Variants in ZNF609 observed in about 807,000 individuals in gnomAD.
ZNF609 encodes the protein zinc finger protein 609.
A neutral mutation model predicts 109.5 loss-of-function variants in ZNF609; 11 were observed. That is an observed-to-expected ratio of 0.10 (90% CI 0.06 to 0.17). ZNF609 has a LOEUF of 0.17. Among genes scored for constraint, ZNF609 ranks in the 10% least tolerant of loss-of-function variants. The pLI is 1.00. For synonymous variants in ZNF609, 646 were observed against 662.0 expected, an observed-to-expected ratio of 0.98 and a Z score of 0.37; for missense variants, 1,559 against 1,772.4, an observed-to-expected ratio of 0.88 and a Z score of 2.16.
intron 1 of ZNF609, among the ~76,000 whole-genome samples, chr15:64,463,741 A>G (rs1281011545): frequency 1.3e-5 from 2 of 152,190 alleles, no homozygotes; most frequent in Admixed American, 6.5e-5. Context: ...ATATTTTTTG[A>G]TAACAGAACT....
chr15:64,677,608 G>A (rs759428877), intron 5 of ZNF609, among the ~76,000 whole-genome samples: 1 of 152,128 alleles, frequency 6.6e-6, no homozygotes, highest in Non-Finnish European at 1.5e-5. Flanking sequence ...GGATTTTATA[G>A]GTTGAGTTAG....
chr15:64,605,244 A>G (rs551800814), intron 2 of ZNF609, among the ~76,000 whole-genome samples: 4 of 152,250 alleles, frequency 2.6e-5, no homozygotes, highest in Non-Finnish European at 5.9e-5. Flanking sequence ...AGAAAGAAAC[A>G]GTATAACCTG....
At chr15:64,539,606 C>T (rs1381904253) in intron 2 of ZNF609, among the ~76,000 whole-genome samples, 4 of 152,174 alleles carry the variant, frequency 2.6e-5, no homozygotes, top group African/African-American at 9.6e-5. Flanking sequence ...CCGGTTCAAG[C>T]GATTCTCCTG....
chr15:64,581,957 A>G (rs1345021316), intron 2 of ZNF609, among the ~76,000 whole-genome samples: 5 of 152,126 alleles, frequency 3.3e-5, no homozygotes, highest in Non-Finnish European at 7.4e-5. Context: ...TTCCTGGCTC[A>G]GAGTCACCCT....
intron 2 of ZNF609, among the ~76,000 whole-genome samples, chr15:64,596,523 C>A (rs1895401727): frequency 6.6e-6 from 1 of 152,154 alleles, no homozygotes; most frequent in African/African-American, 2.4e-5. Flanking sequence ...TCCCTTGGCT[C>A]TTCACATGGA....
intron 1 of ZNF609, among the ~76,000 whole-genome samples, chr15:64,468,126 C>T (rs1893039900): frequency 6.6e-6 from 1 of 151,808 alleles, no homozygotes; most frequent in African/African-American, 2.4e-5. Flanking sequence ...AAGCAATTCT[C>T]CTACCTCAGC....
rs1174756552 is a variant in ZNF609 at position 64,506,724 on chromosome 15, A to AG, written c.747+6558_747+6559insG. 1.0e-3 allele frequency among the ~76,000 whole-genome samples: 5 copies of AG among 4,902 alleles called. No homozygotes were observed. The East Asian group carries it at 0.2, about 196-fold the overall frequency. The allele number at this position is 4,902 out of a possible 152,430, so 3.2% of individuals were successfully genotyped here. ...AACAAGAGCAAAACTCTGTCTCAAG[A>AG]AAAAAAAAAAAGTTTGTCTTTAGAT... On this transcript the variant is annotated intron_variant, in intron 2 of 9. Transcript: ENST00000326648.
At chr15:64,559,748 G>A (rs1894647393) in intron 2 of ZNF609, among the ~76,000 whole-genome samples, 1 of 152,190 alleles carries the variant, frequency 6.6e-6, no homozygotes, top group African/African-American at 2.4e-5. Flanking sequence ...CGCTCAATAA[G>A]TATTTATTGA....
chr15:64,523,563 C>T (rs1366742814), intron 2 of ZNF609, among the ~76,000 whole-genome samples: 2 of 151,946 alleles, frequency 1.3e-5, no homozygotes, highest in African/African-American at 2.4e-5. Context: ...ATCAGGAGTT[C>T]GACACCAGCC....
At chr15:64,526,024 G>A (rs146215417) in intron 2 of ZNF609, among the ~76,000 whole-genome samples, 4 of 151,512 alleles carry the variant, frequency 2.6e-5, no homozygotes, top group Admixed American at 6.6e-5. Context: ...TCCTGGCCTC[G>A]AGTGATCTGC....
Position 64,499,299 on chromosome 15 carries a change from T to A in ZNF609, c.-121T>A, listed in dbSNP as rs1387450338. On this transcript the variant is annotated 5_prime_UTR_variant, in exon 2 of 10. The change abolishes an upstream ATG in the 5' untranslated region. Transcript: ENST00000326648. Reference sequence around the variant, plus strand: ...TTAAATTTTCTTTTTCCAGCAATGATGTTGTCCACTGGGCATGTACTGACC... The same window carrying A: ...TTAAATTTTCTTTTTCCAGCAATGAAGTTGTCCACTGGGCATGTACTGACC... 29 of 1,301,888 alleles carry A rather than the reference T, an allele frequency of 2.2e-5. No homozygotes were observed. The highest frequency in any genetic ancestry group is 2.8e-5 in the Non-Finnish European group (27 of 949,764). The allele number at this position is 1,301,888 out of a possible 1,614,324, so 80.6% of individuals were successfully genotyped here. A position where few individuals can be genotyped will look rare whatever the true frequency, so the allele number is the denominator to read the frequency against.
chr15:64,519,547 G>A (rs567584222), intron 2 of ZNF609, among the ~76,000 whole-genome samples: 2 of 152,262 alleles, frequency 1.3e-5, no homozygotes, highest in Admixed American at 1.3e-4. Context: ...TATAGAACTT[G>A]CTTGGTTCTG....
chr15:64,673,100 T>C lies in ZNF609; in HGVS notation c.1062-816T>C, dbSNP rs150749242. ...TTGGGCATGCAAGAATCCAGAGAGATAGGAGCTGAGTGAGTAGGTTGATAA... is the reference window on the plus strand; with the variant it reads ...TTGGGCATGCAAGAATCCAGAGAGACAGGAGCTGAGTGAGTAGGTTGATAA... On this transcript the variant is annotated intron_variant, in intron 4 of 9. Coordinates refer to ENST00000326648, the MANE Select transcript of ZNF609 (RefSeq NM_015042.2). Among the ~76,000 whole-genome samples, 8 of 152,284 alleles carry C rather than the reference T, an allele frequency of 5.3e-5. No individual in the cohort carries two copies. The East Asian group carries it at 1.2e-3, about 22-fold the overall frequency.
chr15:64,676,218 C>G lies in ZNF609; in HGVS notation c.3364C>G (p.Arg1122Gly). The G allele has an allele frequency of 6.2e-7, 1 of 1,613,182 alleles. No individual in the cohort carries two copies. Among genetic ancestry groups the G allele is most frequent in the Non-Finnish European group, 8.5e-7 (1 of 1,179,686 alleles). Reference protein sequence around the residue: ...SEAKTGAECGRQAEMDPILWY... With the variant: ...SEAKTGAECGGQAEMDPILWY... ...GGCCAAGACAGGTGCTGAGTGTGGTCGACAGGCAGAGATGGATCCAATACT... is the reference window on the plus strand; with the variant it reads ...GGCCAAGACAGGTGCTGAGTGTGGTGGACAGGCAGAGATGGATCCAATACT... Residue 1122 changes from arginine (R) to glycine (G), a missense_variant, in exon 5 of 10, where the codon CGA becomes GGA. Around this residue, in one of 4 missense-constraint regions of ZNF609, gnomAD observed 1,204 missense variants for 1,314.1 expected, o/e 0.92. Coordinates refer to ENST00000326648, the MANE Select transcript of ZNF609 (RefSeq NM_015042.2).
chr15:64,628,537 T>C (rs1461090783), intron 3 of ZNF609, among the ~76,000 whole-genome samples: 1 of 151,618 alleles, frequency 6.6e-6, no homozygotes, highest in Non-Finnish European at 1.5e-5. Flanking sequence ...TGTAATCCCA[T>C]CTGAGGCAGG....
intron 1 of ZNF609, among the ~76,000 whole-genome samples, chr15:64,498,206 C>A (rs1412928932): frequency 6.6e-6 from 1 of 152,032 alleles, no homozygotes; most frequent in Non-Finnish European, 1.5e-5. Context: ...CCTGACACCA[C>A]ATCTGGCTAA....
At chr15:64,514,337 G>C (rs1893777075) in intron 2 of ZNF609, among the ~76,000 whole-genome samples, 2 of 152,118 alleles carry the variant, frequency 1.3e-5, no homozygotes, top group South Asian at 4.1e-4. Flanking sequence ...GAAACTTTGG[G>C]TCCATGGAAT....
Position 64,499,873 on chromosome 15 carries a change from A to G in ZNF609, c.454A>G (p.Ser152Gly), listed in dbSNP as rs930799085. The change falls in exon 2 of 10, where the codon AGT (serine) becomes GGT (glycine). Residue 152 changes from serine (S) to glycine (G), a missense_variant. Transcript: ENST00000326648. ...GSEKAAKASR[S>G]VAGSKKEKEN... ...AGAGAAGGCGGCTAAGGCATCCCGC[A>G]GTGTAGCCGGTTCCAAAAAGGAGAA... 2 of 1,614,110 alleles carry G rather than the reference A, an allele frequency of 1.2e-6. No individual in the cohort carries two copies. Among genetic ancestry groups the G allele is most frequent in the Non-Finnish European group, 1.7e-6 (2 of 1,180,014 alleles).
intron 2 of ZNF609, among the ~76,000 whole-genome samples, chr15:64,576,745 C>T (rs1204168108): frequency 2.0e-5 from 3 of 147,484 alleles, no homozygotes. Flanking sequence ...TCGAGACCAG[C>T]CTGGGAGGTG....
Sources: allele counts gnomAD v4.1 joint callset (sites outside exome capture counted in the v4.1 genomes callset), GRCh38; gene constraint gnomAD v4.1.1; regional missense constraint gnomAD v4.1.1; transcripts MANE v1.5; gene names NCBI Gene and HGNC (gene_info 2026-07-23, HGNC 2026-07-21).